Variants in TAFA2 observed in about 807,000 individuals in gnomAD.
The protein encoded by TAFA2 is TAFA chemokine like family member 2.
A neutral mutation model predicts 18.8 loss-of-function variants in TAFA2; 7 were observed. The observed-to-expected ratio is 0.37, with a 90% CI of 0.21 to 0.70. The LOEUF (loss-of-function observed/expected upper bound fraction) is 0.70, where lower values mean the gene tolerates loss of function less well. Ranked by LOEUF, TAFA2 falls within the 30% of genes least tolerant of loss-of-function variation. TAFA2 has a pLI of 0.53. For synonymous variants in TAFA2, 60 were observed against 54.2 expected, an observed-to-expected ratio of 1.11 and a Z score of -0.47; for missense variants, 122 against 158.1, an observed-to-expected ratio of 0.77 and a Z score of 1.23.
chr12:62,101,975 T>C (rs1187260530), intron 1 of TAFA2, among the ~76,000 whole-genome samples: 2 of 151,536 alleles, frequency 1.3e-5, no homozygotes, highest in African/African-American at 2.4e-5. Context: ...GGACAGGAGG[T>C]TGGAGAAAGA....
chr12:62,025,288 A>C (rs11609846), intron 1 of TAFA2, among the ~76,000 whole-genome samples: 38,565 of 151,924 alleles, frequency 0.25, 5,221 homozygotes, highest in African/African-American at 0.34. Context: ...AGGGCTGAAA[A>C]ACTAACTATT....
At chr12:62,223,353 G>A (rs1399354198) in intron 1 of TAFA2, among the ~76,000 whole-genome samples, 1 of 152,076 alleles carries the variant, frequency 6.6e-6, no homozygotes, top group Non-Finnish European at 1.5e-5. Context: ...CTAATATTTT[G>A]TGTGTGTGGA....
In TAFA2 at chr12:61,753,755, G is replaced by C. The variant is rs1156294580; in HGVS notation, c.260-9C>G. On this transcript the variant is annotated splice_polypyrimidine_tract_variant and intron_variant, in intron 3 of 4. Coordinates refer to ENST00000416284, the MANE Select transcript of TAFA2 (RefSeq NM_178539.5). ...CTGTTCCACTATTGAAGCTATAAGA[G>C]AGAAAAAAAATTGACTCAACATTTT... 6.3e-7 allele frequency: 1 copy of C among 1,592,988 alleles called. No homozygotes were observed. The highest frequency in any genetic ancestry group is 1.1e-5 in the South Asian group (1 of 87,856).
At chr12:61,849,377 A>G (rs1035978751) in intron 2 of TAFA2, among the ~76,000 whole-genome samples, 7 of 152,186 alleles carry the variant, frequency 4.6e-5, no homozygotes, top group African/African-American at 1.4e-4. Flanking sequence ...TGTACTCATA[A>G]TGAACTTACA....
intron 1 of TAFA2, among the ~76,000 whole-genome samples, chr12:62,019,874 A>T (rs941938259): frequency 9.2e-5 from 14 of 152,180 alleles, no homozygotes; most frequent in Admixed American, 5.2e-4. Context: ...TTTAAACCAC[A>T]AATGATGCTT....
At chr12:61,881,575 G>A (rs761239926) in intron 1 of TAFA2, among the ~76,000 whole-genome samples, 22 of 151,982 alleles carry the variant, frequency 1.4e-4, no homozygotes, top group Non-Finnish European at 2.5e-4. Flanking sequence ...ATATATGATG[G>A]GGCTGGTAGG....
At chr12:62,164,421 A>G (rs1457244293) in intron 1 of TAFA2, among the ~76,000 whole-genome samples, 2 of 152,152 alleles carry the variant, frequency 1.3e-5, no homozygotes, top group Non-Finnish European at 2.9e-5. Flanking sequence ...TTTCATTTAG[A>G]TTCTTAATCA....
At chr12:62,110,315 C>T (rs987788354) in intron 1 of TAFA2, among the ~76,000 whole-genome samples, 3 of 152,094 alleles carry the variant, frequency 2.0e-5, no homozygotes, top group African/African-American at 7.2e-5. Context: ...GCCTTGCATC[C>T]CAGAGATGAA....
At chr12:62,090,224 G>A (rs756003808) in intron 1 of TAFA2, among the ~76,000 whole-genome samples, 9 of 152,030 alleles carry the variant, frequency 5.9e-5, no homozygotes, top group Non-Finnish European at 8.8e-5. Flanking sequence ...AACTCTTGGG[G>A]ACTTTCTTCA....
intron 1 of TAFA2, among the ~76,000 whole-genome samples, chr12:62,190,957 T>C (rs2062618730): frequency 6.6e-6 from 1 of 152,036 alleles, no homozygotes; most frequent in Non-Finnish European, 1.5e-5. Flanking sequence ...TTTGCTGTTA[T>C]TAGGAGAAAT....
chr12:62,124,677 G>C (rs1230045298), intron 1 of TAFA2, among the ~76,000 whole-genome samples: 1 of 152,102 alleles, frequency 6.6e-6, no homozygotes, highest in African/African-American at 2.4e-5. Context: ...ATATATAACT[G>C]TCTGTAATAT....
chr12:61,796,715 T>C lies in TAFA2; in HGVS notation c.107-41691A>G, dbSNP rs114481579. 1.3e-3 allele frequency among the ~76,000 whole-genome samples: 197 copies of C among 152,296 alleles called. 2 individuals carry two copies. The highest frequency in any genetic ancestry group is 4.6e-3 in the African/African-American group (190 of 41,568). On this transcript the variant is annotated intron_variant, in intron 2 of 4. Transcript: ENST00000416284. ...GTGCTTTGATTTGAAAAGTCTTGAG[T>C]GTTTAGCAGTTTTAAGTCCAGCTAT...
intron 4 of TAFA2, among the ~76,000 whole-genome samples, chr12:61,740,705 CA>C (rs539165387): frequency 7.4e-5 from 11 of 149,626 alleles, no homozygotes; most frequent in Non-Finnish European, 1.3e-4. Context: ...TTTTTAGATG[CA>C]AAAAAAAAGT....
intron 2 of TAFA2, among the ~76,000 whole-genome samples, chr12:61,811,275 C>A (rs1288333272): frequency 6.6e-6 from 1 of 150,882 alleles, no homozygotes; most frequent in Non-Finnish European, 1.5e-5. Flanking sequence ...TCAGAAAAGC[C>A]CTACAGTTGA....
intron 1 of TAFA2, among the ~76,000 whole-genome samples, chr12:62,016,934 G>A (rs984267526): frequency 7.9e-5 from 12 of 152,208 alleles, no homozygotes; most frequent in Admixed American, 2.0e-4. Flanking sequence ...ATGAAGAAAA[G>A]AGCGTGAGCT....
At chr12:62,243,278 A>T (rs1440594166) in intron 1 of TAFA2, among the ~76,000 whole-genome samples, 2 of 152,210 alleles carry the variant, frequency 1.3e-5, no homozygotes, top group South Asian at 4.1e-4. Context: ...TGGCAGGAAA[A>T]TGCTTTAATA....
At chr12:61,956,856 C>G (rs1878713842) in intron 1 of TAFA2, among the ~76,000 whole-genome samples, 1 of 152,144 alleles carries the variant, frequency 6.6e-6, no homozygotes. Context: ...AGAAAAGTCA[C>G]ATCACTGCAT....
In TAFA2 at chr12:62,199,489, T is replaced by C. The variant is rs369148291; in HGVS notation, c.-130+59274A>G. 2.6e-5 allele frequency among the ~76,000 whole-genome samples: 4 copies of C among 152,176 alleles called. No homozygotes were observed. The East Asian group carries it at 7.7e-4, about 29-fold the overall frequency. ...GTGTTCTGTTCCTGTGTTAGTTTGCTGAGGATAATGGCTTTGGGCTCCATC... is the reference window on the plus strand; with the variant it reads ...GTGTTCTGTTCCTGTGTTAGTTTGCCGAGGATAATGGCTTTGGGCTCCATC... On this transcript the variant is annotated intron_variant, in intron 1 of 5. Transcript: ENST00000551619.
chr12:61,902,854 C>T lies in TAFA2; in HGVS notation c.-1-35428G>A, dbSNP rs761057761. Among the ~76,000 whole-genome samples the T allele has an allele frequency of 1.9e-4, 29 of 152,242 alleles. 1 individual carries two copies. The highest frequency in any genetic ancestry group is 3.4e-3 in the Middle Eastern group (1 of 294). ...CATTTTCATCCTTCTACCCTGTCTA[C>T]GATCCCTCTCCCATTCTTCATTGCA... On this transcript the variant is annotated intron_variant, in intron 1 of 4. Transcript: ENST00000416284.
Sources: allele counts gnomAD v4.1 joint callset (sites outside exome capture counted in the v4.1 genomes callset), GRCh38; gene constraint gnomAD v4.1.1; transcripts MANE v1.5; gene names NCBI Gene and HGNC (gene_info 2026-07-23, HGNC 2026-07-21).